The following KCNH6 variants were observed in gnomAD, a reference collection of about 807,000 sequenced individuals.
The protein encoded by KCNH6 is potassium voltage-gated channel subfamily H member 6.
Under a neutral mutation model 83.4 loss-of-function variants are expected in KCNH6, and 81 were observed. That is an observed-to-expected ratio of 0.97 (90% CI 0.81 to 1.17). The LOEUF is 1.17. Ranked by LOEUF, KCNH6 falls within the 50% of genes most tolerant of loss-of-function variation. The probability of loss-of-function intolerance (pLI) is 0.00; values close to 1 mark genes in which losing one functional copy is unlikely to be tolerated. For missense variants in KCNH6, 1,203 were observed against 1,290.5 expected, an observed-to-expected ratio of 0.93 and a Z score of 1.04; for synonymous variants, 503 against 545.6, an observed-to-expected ratio of 0.92 and a Z score of 1.09.
chr17:63,535,574 G>A lies in KCNH6; in HGVS notation c.1102-95G>A, dbSNP rs1442073098. Reference sequence around the variant, plus strand: ...TTCTCCATAAATGTTTGTTGAATGAGTATGTGGTTGTATGCATGAGTGAAC... The same window carrying A: ...TTCTCCATAAATGTTTGTTGAATGAATATGTGGTTGTATGCATGAGTGAAC... On this transcript the variant is annotated intron_variant, in intron 5 of 12. Transcript: ENST00000314672. The surrounding 1 kb of genome is among the most constrained non-coding windows in gnomAD (Gnocchi z 4.9). 3 of 1,165,856 alleles carry A rather than the reference G, an allele frequency of 2.6e-6. No homozygotes were observed. The highest frequency in any genetic ancestry group is 2.4e-6 in the Non-Finnish European group (2 of 821,674). 72.2% of individuals were successfully genotyped at this position (1,165,856 alleles called of 1,614,324 possible).
Position 63,538,344 on chromosome 17 carries a change from C to T in KCNH6, c.1702-66C>T, listed in dbSNP as rs534328713. ...GCGGGGGCGGGGCGTCCCCAGAGCC[C>T]TCACCACCCTCTCCCCCAGCCCCAC... On this transcript the variant is annotated intron_variant, in intron 7 of 12. Transcript: ENST00000314672. This position sits in a 1 kb window ranked among gnomAD's most constrained non-coding sequence, Gnocchi z 4.0. 7.5e-6 allele frequency: 12 copies of T among 1,601,318 alleles called. 1 individual carries two copies. In the Admixed American group the frequency reaches 1.7e-4, roughly 22 times the overall value.
chr17:63,523,572 C>A lies in KCNH6; in HGVS notation c.76+83C>A. 2 of 1,322,630 alleles carry A rather than the reference C, an allele frequency of 1.5e-6. No individual in the cohort carries two copies. Among genetic ancestry groups the A allele is most frequent in the African/African-American group, 1.5e-5 (1 of 67,258 alleles). 81.9% of individuals were successfully genotyped at this position (1,322,630 alleles called of 1,614,324 possible). On this transcript the variant is annotated intron_variant, in intron 1 of 12. Coordinates refer to ENST00000314672, the MANE Select transcript of KCNH6 (RefSeq NM_001278919.2). This position sits in a 1 kb window ranked among gnomAD's most constrained non-coding sequence, Gnocchi z 4.2. ...GGGGGCTGGACCCCTTTACTAACTTCTAACCGGGCAAGGTGGTGAGTGCCG... is the reference window on the plus strand; with the variant it reads ...GGGGGCTGGACCCCTTTACTAACTTATAACCGGGCAAGGTGGTGAGTGCCG...
chr17:63,530,688 C>A, intron 4 of KCNH6, 146 bp downstream of exon 4: 1 of 713,042 alleles, frequency 1.4e-6, no homozygotes, highest in Non-Finnish European at 2.3e-6. Flanking sequence ...AGCCCCGGGC[C>A]TCCTGTCCTG....
At chr17:63,530,275 G>C in intron 3 of KCNH6, 23 bp downstream of exon 3, 2 of 1,613,810 alleles carry the variant, frequency 1.2e-6, no homozygotes, top group Non-Finnish European at 1.7e-6. Flanking sequence ...GAGGGTGGTG[G>C]TGGGAGGGAC....
rs1168834364 is a variant in KCNH6 at position 63,523,376 on chromosome 17, T to C, written c.-38T>C. ...GACAGACGGAGACGCCGGGAGCCAG[T>C]GGCGCCTGTGGCTCCGGGCAGGGGC... On this transcript the variant is annotated 5_prime_UTR_variant, in exon 1 of 13. Coordinates refer to ENST00000314672, the MANE Select transcript of KCNH6 (RefSeq NM_001278919.2). This position sits in a 1 kb window ranked among gnomAD's most constrained non-coding sequence, Gnocchi z 4.2. 5 of 1,556,430 alleles carry C rather than the reference T, an allele frequency of 3.2e-6. No individual in the cohort carries two copies. The highest frequency in any genetic ancestry group is 4.3e-6 in the Non-Finnish European group (5 of 1,153,258).
rs530727060 is a variant in KCNH6 at position 63,537,658 on chromosome 17, A to G, written c.1502-407A>G. On this transcript the variant is annotated intron_variant, in intron 6 of 12. Transcript: ENST00000314672. The stretch of plus-strand genomic sequence containing the variant: ...CACCATGTTGTCTGGGTTGGTCTCG[A>G]ACTCCTGACCTCAGGTGATCTGCCC... Among the ~76,000 whole-genome samples the G allele has an allele frequency of 4.6e-5, 7 of 152,226 alleles. No individual in the cohort carries two copies. The South Asian group carries it at 1.2e-3, about 27-fold the overall frequency.
chr17:63,524,781 CT>C (rs1371234299), intron 2 of KCNH6, among the ~76,000 whole-genome samples: 1 of 152,178 alleles, frequency 6.6e-6, no homozygotes, highest in African/African-American at 2.4e-5. Context: ...GGCATGGGGG[CT>C]TTTGGCTGGC....
Position 63,535,649 on chromosome 17 carries a change from C to A in KCNH6, c.1102-20C>A. The A allele has an allele frequency of 6.3e-7, 1 of 1,580,144 alleles. No individual in the cohort carries two copies. The highest frequency in any genetic ancestry group is 8.6e-7 in the Non-Finnish European group (1 of 1,159,434). ...CCAAGGGCTGACCCCAGCCCTGTGA[C>A]CATTTCCCTACCCCTCCAGACCACA... On this transcript the variant is annotated intron_variant, in intron 5 of 12. Coordinates refer to ENST00000314672, the MANE Select transcript of KCNH6 (RefSeq NM_001278919.2). The surrounding 1 kb of genome is among the most constrained non-coding windows in gnomAD (Gnocchi z 4.9).
At chr17:63,528,367 G>A (rs568821303) in intron 2 of KCNH6, among the ~76,000 whole-genome samples, 6 of 152,138 alleles carry the variant, frequency 3.9e-5, no homozygotes, top group Non-Finnish European at 7.4e-5. Context: ...GGCAGCAGAT[G>A]GTAGATGGCT....
At chr17:63,527,485 G>T (rs1002755744) in intron 2 of KCNH6, among the ~76,000 whole-genome samples, 4 of 152,188 alleles carry the variant, frequency 2.6e-5, no homozygotes, top group African/African-American at 9.6e-5. Flanking sequence ...GAGAATTGGG[G>T]TCTCCCAGGG....
chr17:63,541,940 CAA>C (rs2032885164), intron 8 of KCNH6, among the ~76,000 whole-genome samples: 1 of 152,140 alleles, frequency 6.6e-6, no homozygotes, highest in Non-Finnish European at 1.5e-5. Flanking sequence ...CCCACTGTGC[CAA>C]AGAGTATGGG....
rs2032255009 is a variant in KCNH6, at chr17:63,533,464, A to G, written c.676-422A>G. 6.6e-6 allele frequency among the ~76,000 whole-genome samples: 1 copy of G among 152,034 alleles called. No homozygotes were observed. The highest frequency in any genetic ancestry group is 1.5e-5 in the Non-Finnish European group (1 of 67,978). On this transcript the variant is annotated intron_variant, in intron 4 of 12. Coordinates refer to ENST00000314672, the MANE Select transcript of KCNH6 (RefSeq NM_001278919.2). The surrounding 1 kb of genome is among the most constrained non-coding windows in gnomAD (Gnocchi z 4.1). ...CCTGTTCCCATCAGGAACCCTGACC[A>G]TAGGGAGCCTCCTAAGCTCACCAGA...
intron 11 of KCNH6, 71 bp from the exon 12 acceptor site, chr17:63,545,007 C>G: frequency 6.7e-7 from 1 of 1,482,842 alleles, no homozygotes; most frequent in Non-Finnish European, 9.3e-7. Context: ...ACGCAGGCTA[C>G]AAGATTGACA....
Position 63,534,341 on chromosome 17 carries a change from A to G in KCNH6, c.1101+30A>G, listed in dbSNP as rs1305398207. ...GCAGACCCCCTCCAGGCCAGCAGCC[A>G]TGGCTGTCCTCTGCACGCTGGCCTC... On this transcript the variant is annotated intron_variant, in intron 5 of 12. Coordinates refer to ENST00000314672, the MANE Select transcript of KCNH6 (RefSeq NM_001278919.2). This position sits in a 1 kb window ranked among gnomAD's most constrained non-coding sequence, Gnocchi z 5.0. 6.3e-7 allele frequency: 1 copy of G among 1,584,178 alleles called. No homozygotes were observed. The highest frequency in any genetic ancestry group is 1.2e-5 in the South Asian group (1 of 85,660).
downstream of KCNH6, chr17:63,548,752 C>T (rs1485737233): frequency 5.3e-5 from 8 of 152,018 alleles, no homozygotes; most frequent in Admixed American, 3.3e-4. Flanking sequence ...GAATTTTGTA[C>T]GTCTTTTTCT....
chr17:63,529,291 C>A (rs9895542), intron 2 of KCNH6, among the ~76,000 whole-genome samples: 3,024 of 152,300 alleles, frequency 0.02, 109 homozygotes, highest in African/African-American at 0.067. Context: ...AGGGGCCTGC[C>A]CTGCCCCCAC....
chr17:63,538,049 T>TCCGCC lies in KCNH6; in HGVS notation c.1502-8_1502-4dup. ...AGTGGGGCCGCGGAGGAGCTCACTC[T>TCCGCC]CCGCCCCGCCCCCAGCCCTGATGTA... is the stretch of plus-strand genomic sequence containing the variant. On this transcript the variant is annotated splice_polypyrimidine_tract_variant and intron_variant, in intron 6 of 12. Coordinates refer to ENST00000314672, the MANE Select transcript of KCNH6 (RefSeq NM_001278919.2). This position sits in a 1 kb window ranked among gnomAD's most constrained non-coding sequence, Gnocchi z 4.0. 1.2e-6 allele frequency: 2 copies of TCCGCC among 1,610,354 alleles called. No homozygotes were observed. Among genetic ancestry groups the TCCGCC allele is most frequent in the Non-Finnish European group, 1.7e-6 (2 of 1,179,264 alleles).
chr17:63,546,669 G>C lies in KCNH6; in HGVS notation c.*767G>C, dbSNP rs1166640659. Reference sequence around the variant, plus strand: ...CTGCTCCTGATGGTTCTGTGACATTGGGTCTCTTGAGGGCAGTGGAGTGTC... The same window carrying C: ...CTGCTCCTGATGGTTCTGTGACATTCGGTCTCTTGAGGGCAGTGGAGTGTC... On this transcript the variant is annotated 3_prime_UTR_variant, in exon 13 of 13. Transcript: ENST00000314672. 1 of 152,288 alleles carries C rather than the reference G, an allele frequency of 6.6e-6. No individual in the cohort carries two copies. The allele number at this position is 152,288 out of a possible 1,614,324, so 9.4% of individuals were successfully genotyped here. A position where few individuals can be genotyped will look rare whatever the true frequency, so the allele number is the denominator to read the frequency against.
chr17:63,528,592 T>C (rs968579177), intron 2 of KCNH6, among the ~76,000 whole-genome samples: 3 of 152,124 alleles, frequency 2.0e-5, no homozygotes, highest in African/African-American at 7.2e-5. Context: ...CCCCCACACG[T>C]GGGCTTCCAT....
Sources: allele counts gnomAD v4.1 joint callset (sites outside exome capture counted in the v4.1 genomes callset), GRCh38; gene constraint gnomAD v4.1.1; non-coding constraint Gnocchi (gnomAD v3.1); transcripts MANE v1.5; gene names NCBI Gene and HGNC (gene_info 2026-07-23, HGNC 2026-07-21).